Variants in MID1 observed in about 807,000 individuals in gnomAD.
MID1 encodes the protein midline 1, also known as E3 ubiquitin-protein ligase Midline-1.
Under a neutral mutation model 40.4 loss-of-function variants are expected in MID1, and 7 were observed. That is an observed-to-expected ratio of 0.17 (90% CI 0.10 to 0.33). MID1 has a LOEUF of 0.33. MID1 is among the 10% of genes least tolerant of loss of function. The pLI, the probability that MID1 is intolerant of heterozygous loss-of-function variation, is 1.00. For synonymous variants in MID1, 229 were observed against 221.2 expected, an observed-to-expected ratio of 1.04 and a Z score of -0.31; for missense variants, 367 against 558.5, an observed-to-expected ratio of 0.66 and a Z score of 3.46.
At chrX:10,515,722 C>CA (rs1042538841) in intron 3 of MID1, among the ~76,000 whole-genome samples, 15 of 111,815 alleles carry the variant, frequency 1.3e-4, no homozygotes, top group Non-Finnish European at 1.5e-4. Context: ...GGCAATTGGC[C>CA]ACCCTTTCCC....
At chrX:10,499,227 T>C (rs766936445) in intron 3 of MID1, among the ~76,000 whole-genome samples, 11 of 112,192 alleles carry the variant, frequency 9.8e-5, no homozygotes, top group Non-Finnish European at 1.7e-4. Context: ...GTGAACTTAC[T>C]GGACATCTGT....
chrX:10,666,256 G>T (rs369958316), intron 1 of MID1, among the ~76,000 whole-genome samples: 4 of 110,805 alleles, frequency 3.6e-5, no homozygotes, highest in African/African-American at 9.8e-5. Flanking sequence ...CTTCTCAGTC[G>T]CTATTGATGT....
At position 10,446,067 on chromosome X, in the gene MID1, A is replaced by T. The variant is rs1248682495; in HGVS notation, c.*3301T>A. On this transcript the variant is annotated 3_prime_UTR_variant, in exon 10 of 10. Transcript: ENST00000317552. ...GGCGTCCATGACCTCTACGCACTAG[A>T]TGCTGGTAGCTTCCCTTCCCCGGCT... is the stretch of plus-strand genomic sequence containing the variant. The T allele has an allele frequency of 9.0e-6, 1 of 111,547 alleles. No individual in the cohort carries two copies. Among genetic ancestry groups the T allele is most frequent in the Non-Finnish European group, 1.9e-5 (1 of 53,129 alleles). 9.2% of individuals were successfully genotyped at this position (111,547 alleles called of 1,213,427 possible). A position where few individuals can be genotyped will look rare whatever the true frequency, so the allele number is the denominator to read the frequency against.
chrX:10,516,955 C>T (rs1449288879), intron 3 of MID1, among the ~76,000 whole-genome samples: 1 of 111,109 alleles, frequency 9.0e-6, no homozygotes, highest in Non-Finnish European at 1.9e-5. Context: ...TTGGCACTTA[C>T]AATCAAAAAG....
intron 1 of MID1, among the ~76,000 whole-genome samples, chrX:10,751,405 C>A (rs146045318): frequency 0.017 from 1,940 of 111,341 alleles, 25 homozygotes; most frequent in Middle Eastern, 0.047. Flanking sequence ...TTTGGGAGGT[C>A]GAGGTGGGCA....
chrX:10,502,392 A>G (rs986050678), intron 3 of MID1, among the ~76,000 whole-genome samples: 2 of 112,294 alleles, frequency 1.8e-5, no homozygotes, highest in Admixed American at 9.4e-5. Flanking sequence ...ACACAGACGG[A>G]AACACTGAAG....
At chrX:10,545,333 G>T (rs747796937) in intron 2 of MID1, among the ~76,000 whole-genome samples, 9 of 111,974 alleles carry the variant, frequency 8.0e-5, no homozygotes, top group Non-Finnish European at 1.7e-4. Flanking sequence ...AAAATACCTG[G>T]ATAGAAGTGT....
At chrX:10,697,970 C>T (rs2043171617) in intron 1 of MID1, among the ~76,000 whole-genome samples, 1 of 112,800 alleles carries the variant, frequency 8.9e-6, no homozygotes, top group Admixed American at 9.4e-5. Flanking sequence ...TTGAGAACCA[C>T]TGATGTAACC....
intron 1 of MID1, among the ~76,000 whole-genome samples, chrX:10,591,767 T>A (rs1340914507): frequency 9.3e-6 from 1 of 107,752 alleles, no homozygotes. Context: ...GACTGGCAGC[T>A]CCAAGGATTA....
chrX:10,477,462 A>C (rs753753065), intron 5 of MID1, among the ~76,000 whole-genome samples: 12 of 112,361 alleles, frequency 1.1e-4, no homozygotes, highest in Admixed American at 2.8e-4. Flanking sequence ...TTTAACACCT[A>C]CACATTTGTT....
At chrX:10,633,463 T>C (rs914395129) in intron 1 of MID1, among the ~76,000 whole-genome samples, 1 of 111,049 alleles carries the variant, frequency 9.0e-6, no homozygotes, top group Non-Finnish European at 1.9e-5. Context: ...TTTTTCTTTT[T>C]TTGAGACAAG....
intron 9 of MID1, 117 bp from the exon 10 acceptor site, chrX:10,449,833 T>A: frequency 1.7e-6 from 1 of 587,033 alleles, no homozygotes; most frequent in Non-Finnish European, 2.9e-6. Flanking sequence ...CCCTGTTCAT[T>A]TTCTTTAAGT....
chrX:10,791,375 A>G (rs769179138), intron 1 of MID1, among the ~76,000 whole-genome samples: 21 of 112,376 alleles, frequency 1.9e-4, no homozygotes, highest in Non-Finnish European at 3.2e-4. Flanking sequence ...CAAGGGAGGC[A>G]TCTGGAAATA....
rs773896313 is a variant in MID1 at position 10,672,803 on chromosome X, G to A, written c.-186-52384C>T. 4.0e-3 allele frequency among the ~76,000 whole-genome samples: 441 copies of A among 110,575 alleles called. 3 individuals are homozygous for A. The highest frequency in any genetic ancestry group is 0.018 in the Middle Eastern group (4 of 219). ...GGCCTCAAAGGATCCTCCCTCCTTAGCCTCCCAAGTAGTTGGGACCACAGG... is the reference window on the plus strand; with the variant it reads ...GGCCTCAAAGGATCCTCCCTCCTTAACCTCCCAAGTAGTTGGGACCACAGG... On this transcript the variant is annotated intron_variant, in intron 1 of 10. Transcript: ENST00000380785.
chrX:10,816,153 G>C (rs2044134705), intron 1 of MID1, among the ~76,000 whole-genome samples: 1 of 111,893 alleles, frequency 8.9e-6, no homozygotes, highest in African/African-American at 3.2e-5. Flanking sequence ...TAACAGAAAA[G>C]TAAGTCATAG....
intron 1 of MID1, among the ~76,000 whole-genome samples, chrX:10,630,582 T>C (rs868383102): frequency 4.5e-5 from 5 of 110,410 alleles, no homozygotes; most frequent in African/African-American, 1.7e-4. Flanking sequence ...GAGGCAGTGT[T>C]TGCAGATCCT....
chrX:10,501,436 C>G lies in MID1; in HGVS notation c.757-5745G>C, dbSNP rs111428432. On this transcript the variant is annotated intron_variant, in intron 3 of 9. Transcript: ENST00000317552. Reference sequence around the variant, plus strand: ...TCTACATCTAGAGTCAGTTTTCTTTCGCGTCTTGAAATGCATCTTCTCCCC... The same window carrying G: ...TCTACATCTAGAGTCAGTTTTCTTTGGCGTCTTGAAATGCATCTTCTCCCC... 4 of 1,153,667 alleles carry G rather than the reference C, an allele frequency of 3.5e-6. No homozygotes were observed. The East Asian group carries it at 1.3e-4, about 38-fold the overall frequency.
In MID1 at chrX:10,630,585, C is replaced by A. The variant is rs189810468; in HGVS notation, c.-186-10166G>T. Reference sequence around the variant, plus strand: ...GTGGGTGTTGGTGAGGCAGTGTTTGCAGATCCTGTAGGGTCTAGTAGATCA... The same window carrying A: ...GTGGGTGTTGGTGAGGCAGTGTTTGAAGATCCTGTAGGGTCTAGTAGATCA... On this transcript the variant is annotated intron_variant, in intron 1 of 10. Transcript: ENST00000380785. Among the ~76,000 whole-genome samples the A allele has an allele frequency of 3.6e-3, 399 of 110,688 alleles. 2 individuals carry two copies. The highest frequency in any genetic ancestry group is 4.5e-3 in the Non-Finnish European group (240 of 52,836).
intron 2 of MID1, among the ~76,000 whole-genome samples, chrX:10,534,240 C>T (rs888321612): frequency 2.1e-4 from 24 of 111,833 alleles, no homozygotes; most frequent in African/African-American, 7.5e-4. Context: ...CACTAATGAA[C>T]ATGTTCTGGT....
Sources: allele counts gnomAD v4.1 joint callset (sites outside exome capture counted in the v4.1 genomes callset), GRCh38; gene constraint gnomAD v4.1.1; transcripts MANE v1.5; gene names NCBI Gene and HGNC (gene_info 2026-07-23, HGNC 2026-07-21).